PIK3C2G: variants seen among roughly 807,000 people sequenced by gnomAD.
PIK3C2G encodes phosphatidylinositol 3-kinase C2 domain-containing subunit gamma.
In PIK3C2G, 168 loss-of-function variants were observed where a neutral mutation model predicts 181.1. That is an observed-to-expected ratio of 0.93 (90% CI 0.82 to 1.05). PIK3C2G has a LOEUF of 1.05. Ranked by LOEUF, PIK3C2G falls within the 50% of genes least tolerant of loss-of-function variation. The pLI is 0.00. For missense variants in PIK3C2G, 1,869 were observed against 1,732.8 expected (o/e 1.08, Z -1.40); for synonymous variants, 573 against 592.2 (o/e 0.97, Z 0.47).
intron 23 of PIK3C2G, 37 bp from the exon 24 acceptor site, chr12:18,505,255 G>T (rs1411929818): frequency 7.3e-6 from 11 of 1,513,480 alleles, no homozygotes; most frequent in Admixed American, 6.2e-5. Context: ...CTCATTTTTT[G>T]TTGTTATTTT....
At chr12:18,402,926 C>T (rs528226292) in intron 16 of PIK3C2G, among the ~76,000 whole-genome samples, 25 of 152,160 alleles carry the variant, frequency 1.6e-4, no homozygotes, top group Admixed American at 1.4e-3. Context: ...TATTATTATT[C>T]CTATTTTACA....
At chr12:18,456,169 A>G (rs927201372) in intron 18 of PIK3C2G, among the ~76,000 whole-genome samples, 1 of 152,174 alleles carries the variant, frequency 6.6e-6, no homozygotes, top group Non-Finnish European at 1.5e-5. Context: ...AAGTTTTTAA[A>G]ATGTTAAATA....
At chr12:18,334,004 AT>A (rs1393072619) in intron 8 of PIK3C2G, among the ~76,000 whole-genome samples, 1 of 152,182 alleles carries the variant, frequency 6.6e-6, no homozygotes. Context: ...TTTTTCAAGT[AT>A]GATTAATTAA....
At chr12:18,313,829 C>CAT (rs57747799) in intron 5 of PIK3C2G, 133 bp from the exon 6 acceptor site, 1 of 564,112 alleles carries the variant, frequency 1.8e-6, no homozygotes, top group African/African-American at 1.9e-5. Context: ...CACACACACA[C>CAT]GCACACACAC....
At chr12:18,413,099 A>G (rs1024479530) in intron 16 of PIK3C2G, among the ~76,000 whole-genome samples, 8 of 152,040 alleles carry the variant, frequency 5.3e-5, no homozygotes, top group African/African-American at 1.7e-4. Context: ...GCCTTCATAG[A>G]GTATTTTTTT....
chr12:18,612,286 T>C (rs1948381142), intron 31 of PIK3C2G, among the ~76,000 whole-genome samples: 1 of 152,152 alleles, frequency 6.6e-6, no homozygotes. Context: ...GCTTGTATTT[T>C]ACTCTCACCT....
chr12:18,411,351 T>A (rs148821203), intron 16 of PIK3C2G, among the ~76,000 whole-genome samples: 1 of 152,282 alleles, frequency 6.6e-6, no homozygotes, highest in East Asian at 1.9e-4. Flanking sequence ...CTGCTTATAC[T>A]CCGAGTTTGA....
At chr12:18,487,363 T>A (rs558047485) in intron 18 of PIK3C2G, among the ~76,000 whole-genome samples, 1 of 152,216 alleles carries the variant, frequency 6.6e-6, no homozygotes, top group African/African-American at 2.4e-5. Flanking sequence ...TCTAACATAA[T>A]ACACATTGGA....
chr12:18,691,158 T>C, the PIK3C2G span, among the ~76,000 whole-genome samples: 1 of 152,044 alleles, frequency 6.6e-6, no homozygotes, highest in Non-Finnish European at 1.5e-5. Flanking sequence ...CAGCAGAATT[T>C]AACGTTGGTC....
chr12:18,707,631 T>C, the PIK3C2G span, among the ~76,000 whole-genome samples: 1 of 152,182 alleles, frequency 6.6e-6, no homozygotes, highest in Non-Finnish European at 1.5e-5. Context: ...AGATTTCTTA[T>C]GTATTTATTC....
At chr12:18,434,265 C>G (rs545562325) in intron 18 of PIK3C2G, among the ~76,000 whole-genome samples, 66 of 152,240 alleles carry the variant, frequency 4.3e-4, no homozygotes, top group African/African-American at 1.5e-3. Flanking sequence ...TGAATAGATC[C>G]TGAACATCTT....
In PIK3C2G at chr12:18,419,468, G is replaced by C. The variant is rs1362027281; in HGVS notation, c.2316-1473G>C. 3.9e-5 allele frequency among the ~76,000 whole-genome samples: 6 copies of C among 152,120 alleles called. No individual in the cohort carries two copies. The South Asian group carries it at 1.0e-3, about 26-fold the overall frequency. ...TAGTAATTGAGAGCAATAAATTAGA[G>C]TCAATCACATTTAGTTAGGAGAATC... On this transcript the variant is annotated intron_variant, in intron 16 of 32. Coordinates refer to ENST00000538779, the MANE Select transcript of PIK3C2G (RefSeq NM_001288772.2).
At chr12:18,713,712 TA>T in the PIK3C2G span, 1 of 152,154 alleles carries the variant, frequency 6.6e-6, no homozygotes, top group East Asian at 1.9e-4. Context: ...ATAATTTCAC[TA>T]GGAGAAACGT....
At chr12:18,705,207 C>G in the PIK3C2G span, 1 of 1,613,986 alleles carries the variant, frequency 6.2e-7, no homozygotes, top group South Asian at 1.1e-5. Context: ...TCAAGCATAT[C>G]AGAAAGCAAG....
At chr12:18,705,125 G>C in the PIK3C2G span, 10 of 1,606,382 alleles carry the variant, frequency 6.2e-6, no homozygotes, top group Admixed American at 5.0e-5. Flanking sequence ...TGTTTTCATG[G>C]ACTTTTTTCT....
intron 18 of PIK3C2G, 32 bp from the exon 19 acceptor site, chr12:18,488,417 T>TA (rs1349204985): frequency 7.0e-7 from 1 of 1,434,814 alleles, no homozygotes. Flanking sequence ...TAGCTTTACA[T>TA]ACAAGAATTT....
chr12:18,694,959 A>C, the PIK3C2G span: 41 of 1,605,700 alleles, frequency 2.6e-5, no homozygotes, highest in South Asian at 4.2e-4. Flanking sequence ...ACTTGGGTTA[A>C]AGTATGATTT....
the PIK3C2G span, chr12:18,701,844 A>G: frequency 1.3e-6 from 2 of 1,537,224 alleles, no homozygotes; most frequent in South Asian, 2.4e-5. Flanking sequence ...CAGTCACTGA[A>G]AAGTGTTTCA....
chr12:18,280,202 T>A (rs1949152286), intron 1 of PIK3C2G, among the ~76,000 whole-genome samples: 1 of 151,984 alleles, frequency 6.6e-6, no homozygotes, highest in Admixed American at 6.6e-5. Flanking sequence ...GGTCAACAAA[T>A]GAGCATCTAC....
Sources: allele counts gnomAD v4.1 joint callset (sites outside exome capture counted in the v4.1 genomes callset), GRCh38; gene constraint gnomAD v4.1.1; transcripts MANE v1.5; gene names NCBI Gene and HGNC (gene_info 2026-07-23, HGNC 2026-07-21).